The following TECR variants were observed in gnomAD, a reference collection of about 807,000 sequenced individuals.
TECR encodes very-long-chain enoyl-CoA reductase.
A neutral mutation model predicts 50.6 loss-of-function variants in TECR; 19 were observed. That is an observed-to-expected ratio of 0.38 (90% CI 0.26 to 0.55). The LOEUF is 0.55. TECR is among the 20% of genes least tolerant of loss of function. TECR has a pLI of 0.79. For synonymous variants in TECR, 168 were observed against 163.5 expected (o/e 1.03, Z -0.21); for missense variants, 313 against 408.3 (o/e 0.77, Z 2.01).
Position 14,534,804 on chromosome 19 carries a change from G to A in TECR, c.15+5093G>A, listed in dbSNP as rs113745172. 7.9e-3 allele frequency among the ~76,000 whole-genome samples: 1,197 copies of A among 152,296 alleles called. 2 individuals carry two copies. The highest frequency in any genetic ancestry group is 0.012 in the Non-Finnish European group (845 of 68,028). ...GTTCTACTTTACAGATAATGCAACT[G>A]AAGCTCAGAGAGGTAAACTAAGCTG... On this transcript the variant is annotated intron_variant, in intron 1 of 12. Coordinates refer to ENST00000215567, the MANE Select transcript of TECR (RefSeq NM_138501.6).
rs200985373 is a variant in TECR, at chr19:14,563,871, C to G, written c.235C>G (p.Arg79Gly). Reference sequence around the variant, plus strand: ...GGGCACCACGGCCACACTGTACTTCCGGGACCTGGGGGCCCAGATCAGCTG... The same window carrying G: ...GGGCACCACGGCCACACTGTACTTCGGGGACCTGGGGGCCCAGATCAGCTG... ...PVGTTATLYF[R>G]DLGAQISWVT... The change falls in exon 5 of 13, where the codon CGG becomes GGG. Residue 79 changes from arginine (R) to glycine (G), a missense_variant. By Grantham distance (125) the Arg-to-Gly change is moderately radical. Coordinates refer to ENST00000215567, the MANE Select transcript of TECR (RefSeq NM_138501.6). The surrounding 1 kb of genome is among the most constrained non-coding windows in gnomAD (Gnocchi z 5.3). 2.5e-6 allele frequency: 4 copies of G among 1,614,056 alleles called. No individual in the cohort carries two copies. The highest frequency in any genetic ancestry group is 2.2e-5 in the East Asian group (1 of 44,892).
At chr19:14,554,114 A>G (rs1364227089) in intron 1 of TECR, among the ~76,000 whole-genome samples, 3 of 152,144 alleles carry the variant, frequency 2.0e-5, no homozygotes, top group Non-Finnish European at 2.9e-5. Context: ...CTGGCTTTCA[A>G]CATGCACGCG....
intron 1 of TECR, among the ~76,000 whole-genome samples, chr19:14,556,516 C>A (rs996378502): frequency 6.6e-6 from 1 of 152,120 alleles, no homozygotes; most frequent in Admixed American, 6.6e-5. Context: ...CTGCCCCCAC[C>A]CCCTGCTTGC....
At chr19:14,555,698 C>G (rs12981613) in intron 1 of TECR, among the ~76,000 whole-genome samples, 8,874 of 152,148 alleles carry the variant, frequency 0.058, 346 homozygotes, top group Middle Eastern at 0.092. Context: ...ACCTCAGCCT[C>G]CCAAAGTGCT....
chr19:14,558,957 CCT>C (rs1476571367), intron 1 of TECR, among the ~76,000 whole-genome samples: 5 of 152,218 alleles, frequency 3.3e-5, no homozygotes, highest in African/African-American at 1.2e-4. Context: ...GCCCCTGCCC[CCT>C]GTTGGCCTCA....
intron 1 of TECR, among the ~76,000 whole-genome samples, chr19:14,557,115 T>G (rs570600504): frequency 0.01 from 30 of 2,918 alleles, no homozygotes; most frequent in African/African-American, 0.013. Flanking sequence ...TGGTCTAATC[T>G]TATTTATTTA....
At chr19:14,533,779 C>G (rs745776974) in intron 1 of TECR, among the ~76,000 whole-genome samples, 1 of 152,200 alleles carries the variant, frequency 6.6e-6, no homozygotes, top group Non-Finnish European at 1.5e-5. Context: ...CGGGTCACCT[C>G]CAGGCCTTGG....
At chr19:14,538,242 A>G (rs1291884849) in intron 1 of TECR, among the ~76,000 whole-genome samples, 2 of 152,126 alleles carry the variant, frequency 1.3e-5, no homozygotes, top group African/African-American at 2.4e-5. Flanking sequence ...CACTGGGGAA[A>G]GAATCAAGTG....
At chr19:14,555,415 A>T (rs1182785953) in intron 1 of TECR, among the ~76,000 whole-genome samples, 1 of 136,868 alleles carries the variant, frequency 7.3e-6, no homozygotes, top group Non-Finnish European at 1.6e-5. Flanking sequence ...TGCCCAGCAA[A>T]TTTTTTTGTA....
At chr19:14,545,417 T>C (rs937288894) in intron 1 of TECR, among the ~76,000 whole-genome samples, 2 of 151,386 alleles carry the variant, frequency 1.3e-5, no homozygotes, top group Non-Finnish European at 2.9e-5. Context: ...TCTGCACCGC[T>C]GTCTCCTCTC....
chr19:14,543,210 T>C (rs2146579966), intron 1 of TECR, among the ~76,000 whole-genome samples: 1 of 147,266 alleles, frequency 6.8e-6, no homozygotes, highest in East Asian at 2.0e-4. Flanking sequence ...CTCAAGTGTC[T>C]AACTCAGGAG....
intron 1 of TECR, among the ~76,000 whole-genome samples, chr19:14,537,469 C>T (rs1473833949): frequency 2.0e-5 from 3 of 152,006 alleles, no homozygotes; most frequent in Non-Finnish European, 4.4e-5. Context: ...GGTTGACAGC[C>T]TTGAGTGAGG....
intron 1 of TECR, among the ~76,000 whole-genome samples, chr19:14,544,407 G>T (rs1432491991): frequency 6.6e-6 from 1 of 151,976 alleles, no homozygotes; most frequent in Non-Finnish European, 1.5e-5. Flanking sequence ...CACAGGACAG[G>T]CTCAGCCGTT....
rs145348098 is a variant in TECR at position 14,559,910 on chromosome 19, G to A, written c.16-2615G>A. Among the ~76,000 whole-genome samples, 125 of 152,342 alleles carry A rather than the reference G, an allele frequency of 8.2e-4. 1 individual carries two copies. The highest frequency in any genetic ancestry group is 1.5e-3 in the Non-Finnish European group (100 of 68,032). ...AGATGGCCGACGAGCTGGGGATTTG[G>A]GGCAGGAAATGGGAGACGGACGGCC... On this transcript the variant is annotated intron_variant, in intron 1 of 12. Transcript: ENST00000215567.
chr19:14,564,713 G>A (rs941592379), intron 7 of TECR, 73 bp from the exon 8 acceptor site: 6 of 1,443,020 alleles, frequency 4.2e-6, no homozygotes, highest in African/African-American at 1.5e-5. Context: ...CAGGCCCCTC[G>A]GGATGAGACA....
chr19:14,540,605 T>G (rs1318776342), intron 1 of TECR, among the ~76,000 whole-genome samples: 1 of 151,788 alleles, frequency 6.6e-6, no homozygotes, highest in Admixed American at 6.6e-5. Context: ...TTGGCCAGGC[T>G]GGTCTTGAAC....
chr19:14,563,576 G>C lies in TECR; in HGVS notation c.119-82G>C. ...GGGGTCCTTGCACCCTGGGAACCCT[G>C]AGAAGCTGGCACAGTGGCTGGGCAG... On this transcript the variant is annotated intron_variant, in intron 3 of 12. Coordinates refer to ENST00000215567, the MANE Select transcript of TECR (RefSeq NM_138501.6). The surrounding 1 kb of genome is among the most constrained non-coding windows in gnomAD (Gnocchi z 5.3). 4 of 1,593,122 alleles carry C rather than the reference G, an allele frequency of 2.5e-6. No homozygotes were observed. Among genetic ancestry groups the C allele is most frequent in the Non-Finnish European group, 3.4e-6 (4 of 1,166,424 alleles).
intron 1 of TECR, among the ~76,000 whole-genome samples, chr19:14,558,033 G>C (rs1424155274): frequency 6.6e-6 from 1 of 152,200 alleles, no homozygotes; most frequent in Non-Finnish European, 1.5e-5. Context: ...GGCATTACAG[G>C]CGTGAGCCAC....
At position 14,538,976 on chromosome 19, in the gene TECR, A is replaced by AT. The variant is rs869186799; in HGVS notation, c.15+9280dup. Among the ~76,000 whole-genome samples, 455 of 132,904 alleles carry AT rather than the reference A, an allele frequency of 3.4e-3. 1 individual carries two copies. Among genetic ancestry groups the AT allele is most frequent in the South Asian group, 0.013 (55 of 4,180 alleles). 87.2% of individuals were successfully genotyped at this position (132,904 alleles called of 152,430 possible). On this transcript the variant is annotated intron_variant, in intron 1 of 12. Coordinates refer to ENST00000215567, the MANE Select transcript of TECR (RefSeq NM_138501.6). ...TAATGTCACACACCATGCAAGTCAC[A>AT]TTTTTTTTTTTTTTTGAGACAGAGT...
Sources: gnomAD v4.1 joint callset for allele counts (sites outside exome capture counted in the v4.1 genomes callset) on GRCh38, gnomAD v4.1.1 for gene constraint, Gnocchi (gnomAD v3.1) non-coding constraint, MANE v1.5 for transcripts, NCBI Gene and HGNC (gene_info 2026-07-23, HGNC 2026-07-21) for gene names.